SNTG2: variants seen among roughly 807,000 people sequenced by gnomAD.
SNTG2 encodes syntrophin gamma 2, also known as gamma-2-syntrophin.
A neutral mutation model predicts 70.9 loss-of-function variants in SNTG2; 74 were observed. The observed-to-expected ratio is 1.04, with a 90% CI of 0.86 to 1.27. The LOEUF is 1.27. SNTG2 is among the 50% of genes most tolerant of loss of function. SNTG2 has a pLI of 0.00. For missense variants in SNTG2, 717 were observed against 690.7 expected, an observed-to-expected ratio of 1.04 and a Z score of -0.43; for synonymous variants, 278 against 273.8, an observed-to-expected ratio of 1.02 and a Z score of -0.15.
In SNTG2 at chr2:1,241,691, T is replaced by G. The variant is rs1302984396; in HGVS notation, c.888+1915T>G. 2.0e-5 allele frequency among the ~76,000 whole-genome samples: 3 copies of G among 152,162 alleles called. No homozygotes were observed. In the East Asian group the frequency reaches 5.8e-4, roughly 29 times the overall value. ...ATGATGAAATAATGGTTCAGAGAAA[T>G]GTAAAAACCTGTAGGGAGCACAGTT... On this transcript the variant is annotated intron_variant, in intron 11 of 16. Transcript: ENST00000308624.
chr2:968,111 A>G (rs1660629376), intron 1 of SNTG2, among the ~76,000 whole-genome samples: 1 of 151,236 alleles, frequency 6.6e-6, no homozygotes, highest in Non-Finnish European at 1.5e-5. Context: ...TTCATGCAGA[A>G]TGCATTTGAG....
intron 14 of SNTG2, among the ~76,000 whole-genome samples, chr2:1,298,098 A>G (rs1335994497): frequency 2.0e-5 from 3 of 152,100 alleles, no homozygotes; most frequent in South Asian, 2.1e-4. Flanking sequence ...ATGTCAGCAC[A>G]GTGTATTTTA....
At chr2:1,308,376 T>C in intron 14 of SNTG2, 118 bp from the exon 15 acceptor site, 1 of 890,328 alleles carries the variant, frequency 1.1e-6, no homozygotes, top group Middle Eastern at 2.6e-4. Context: ...TCCCCGTAAC[T>C]TGCATATGAG....
In SNTG2 at chr2:1,083,177, TA is replaced by T. The variant is rs763132513; in HGVS notation, c.73-334del. On this transcript the variant is annotated intron_variant, in intron 1 of 16. Coordinates refer to ENST00000308624, the MANE Select transcript of SNTG2 (RefSeq NM_018968.4). The stretch of plus-strand genomic sequence containing the variant: ...TTTATTCAAATAACTTTAGTTAAAC[TA>T]AAAAAATATATATATATATATTTGG... Among the ~76,000 whole-genome samples the T allele has an allele frequency of 7.1e-3, 341 of 48,298 alleles. 3 individuals are homozygous for T. The Middle Eastern group carries it at 0.076, about 11-fold the overall frequency. 31.7% of individuals were successfully genotyped at this position (48,298 alleles called of 152,430 possible).
intron 11 of SNTG2, among the ~76,000 whole-genome samples, chr2:1,245,182 T>G (rs1677347755): frequency 2.0e-5 from 3 of 148,532 alleles, no homozygotes; most frequent in Non-Finnish European, 4.5e-5. Flanking sequence ...GATGACACGT[T>G]AGTGGGTGCA....
In SNTG2 at chr2:1,066,726, T is replaced by A. The variant is rs78139526; in HGVS notation, c.73-16792T>A. On this transcript the variant is annotated intron_variant, in intron 1 of 16. Coordinates refer to ENST00000308624, the MANE Select transcript of SNTG2 (RefSeq NM_018968.4). Reference sequence around the variant, plus strand: ...ATGCTTCAAAACGACGATTTTTTTTTATTTTTGCTCAGCTCCTGGGGCACC... The same window carrying A: ...ATGCTTCAAAACGACGATTTTTTTTAATTTTTGCTCAGCTCCTGGGGCACC... 2.5e-3 allele frequency among the ~76,000 whole-genome samples: 379 copies of A among 152,180 alleles called. 1 individual carries two copies. The highest frequency in any genetic ancestry group is 7.6e-3 in the African/African-American group (314 of 41,470).
intron 16 of SNTG2, 107 bp downstream of exon 16, chr2:1,316,482 A>G: frequency 3.4e-6 from 2 of 594,648 alleles, no homozygotes; most frequent in East Asian, 5.8e-5. Flanking sequence ...ACAAAAATAA[A>G]CCAATAGGTC....
At chr2:1,149,549 C>G (rs1669326931) in intron 6 of SNTG2, among the ~76,000 whole-genome samples, 1 of 152,094 alleles carries the variant, frequency 6.6e-6, no homozygotes, top group Non-Finnish European at 1.5e-5. Context: ...TCCTAATGTG[C>G]TTTTCCCTGC....
At chr2:1,175,208 T>G (rs1450518170) in intron 8 of SNTG2, among the ~76,000 whole-genome samples, 1 of 152,194 alleles carries the variant, frequency 6.6e-6, no homozygotes, top group Non-Finnish European at 1.5e-5. Context: ...TCAACACTAT[T>G]TCTGGGTAAT....
chr2:1,136,435 T>C lies in SNTG2; in HGVS notation c.326-1187T>C, dbSNP rs550820972. Among the ~76,000 whole-genome samples the C allele has an allele frequency of 3.9e-5, 6 of 152,024 alleles. 1 individual carries two copies. The highest frequency in any genetic ancestry group is 3.3e-4 in the Admixed American group (5 of 15,256). On this transcript the variant is annotated intron_variant, in intron 4 of 16. Coordinates refer to ENST00000308624, the MANE Select transcript of SNTG2 (RefSeq NM_018968.4). The stretch of plus-strand genomic sequence containing the variant: ...TGCATGGGCCACAGCAGCTTTGCCA[T>C]GCACAGTTTCGGTGCAAATGAGAAC...
chr2:1,191,142 A>G (rs575138909), intron 8 of SNTG2, among the ~76,000 whole-genome samples: 1 of 152,326 alleles, frequency 6.6e-6, no homozygotes, highest in Admixed American at 6.5e-5. Context: ...TAGGAGGAAC[A>G]CTAGTGATGT....
intron 1 of SNTG2, among the ~76,000 whole-genome samples, chr2:1,020,194 C>T (rs1235519417): frequency 1.3e-5 from 2 of 152,348 alleles, no homozygotes; most frequent in African/African-American, 2.4e-5. Flanking sequence ...TATACACATA[C>T]GTGCATGCTC....
Position 1,292,547 on chromosome 2 carries a change from A to G in SNTG2, c.1285-15947A>G, listed in dbSNP as rs116096343. Among the ~76,000 whole-genome samples the G allele has an allele frequency of 4.5e-3, 681 of 152,308 alleles. 7 individuals carry two copies. Among genetic ancestry groups the G allele is most frequent in the African/African-American group, 0.015 (640 of 41,588 alleles). On this transcript the variant is annotated intron_variant, in intron 14 of 16. Transcript: ENST00000308624. ...ATTTCTAGTTTGTTGGGTGTTTTATATCATAAAAGGGTGTTGAATTTTGCC... is the reference window on the plus strand; with the variant it reads ...ATTTCTAGTTTGTTGGGTGTTTTATGTCATAAAAGGGTGTTGAATTTTGCC...
chr2:1,213,999 G>A (rs548073650), intron 9 of SNTG2, among the ~76,000 whole-genome samples: 1 of 152,274 alleles, frequency 6.6e-6, no homozygotes, highest in South Asian at 2.1e-4. Context: ...ACCATATATG[G>A]AAGAGACTGT....
intron 2 of SNTG2, 60 bp from the exon 3 acceptor site, chr2:1,098,136 T>A: frequency 6.5e-7 from 1 of 1,548,576 alleles, no homozygotes; most frequent in Non-Finnish European, 8.8e-7. Context: ...TTCTTTTGAA[T>A]TCACTTTCTG....
chr2:972,106 T>C (rs1660763581), intron 1 of SNTG2, among the ~76,000 whole-genome samples: 1 of 152,152 alleles, frequency 6.6e-6, no homozygotes, highest in African/African-American at 2.4e-5. Flanking sequence ...GAGAATAATG[T>C]ATATTCTGTT....
chr2:1,055,110 T>C (rs1662309396), intron 1 of SNTG2, among the ~76,000 whole-genome samples: 1 of 152,218 alleles, frequency 6.6e-6, no homozygotes, highest in Non-Finnish European at 1.5e-5. Context: ...TGTGTGTTGC[T>C]ATAAATGCTG....
At chr2:1,081,213 C>T (rs1401884336) in intron 1 of SNTG2, among the ~76,000 whole-genome samples, 1 of 152,208 alleles carries the variant, frequency 6.6e-6, no homozygotes, top group Non-Finnish European at 1.5e-5. Context: ...GCTGGCCTTG[C>T]CTCCCTCTGT....
intron 1 of SNTG2, among the ~76,000 whole-genome samples, chr2:1,015,331 A>T (rs1376562200): frequency 6.6e-6 from 1 of 152,198 alleles, no homozygotes. Flanking sequence ...TCTTAATCAG[A>T]TTAAAAATTT....
Sources: gnomAD v4.1 joint callset for allele counts (sites outside exome capture counted in the v4.1 genomes callset) on GRCh38, gnomAD v4.1.1 for gene constraint, MANE v1.5 for transcripts, NCBI Gene and HGNC (gene_info 2026-07-23, HGNC 2026-07-21) for gene names.